Variants in LPP observed in about 807,000 individuals in gnomAD.
The protein encoded by LPP is lipoma-preferred partner.
A neutral mutation model predicts 60.4 loss-of-function variants in LPP; 38 were observed. The observed-to-expected ratio is 0.63, with a 90% CI of 0.49 to 0.83. LPP has a LOEUF of 0.83. LPP is among the 40% of genes least tolerant of loss of function. The pLI, the probability that LPP is intolerant of heterozygous loss-of-function variation, is 0.00. For synonymous variants in LPP, 328 were observed against 290.8 expected, an observed-to-expected ratio of 1.13 and a Z score of -1.30; for missense variants, 902 against 783.6, an observed-to-expected ratio of 1.15 and a Z score of -1.80.
chr3:188,753,930 G>A (rs372526270), intron 8 of LPP, among the ~76,000 whole-genome samples: 18 of 152,230 alleles, frequency 1.2e-4, no homozygotes, highest in East Asian at 9.7e-4. Flanking sequence ...AGAACTACAT[G>A]TGTCCTACAG....
At chr3:188,595,813 T>C (rs988884934) in intron 6 of LPP, among the ~76,000 whole-genome samples, 1 of 152,146 alleles carries the variant, frequency 6.6e-6, no homozygotes, top group African/African-American at 2.4e-5. Context: ...CCTTCACCTA[T>C]GGGATTATAT....
intron 5 of LPP, among the ~76,000 whole-genome samples, chr3:188,493,166 C>T (rs920478046): frequency 5.9e-5 from 9 of 152,064 alleles, no homozygotes; most frequent in African/African-American, 2.2e-4. Flanking sequence ...TTATTGCCTT[C>T]ATATTTGAGT....
intron 9 of LPP, among the ~76,000 whole-genome samples, chr3:188,856,850 A>G (rs1763952387): frequency 6.6e-6 from 1 of 152,226 alleles, no homozygotes; most frequent in South Asian, 2.1e-4. Context: ...CTGAGCTCTT[A>G]GCCAGAAGGC....
chr3:188,604,344 T>G (rs1222813545), intron 6 of LPP, among the ~76,000 whole-genome samples: 1 of 152,150 alleles, frequency 6.6e-6, no homozygotes, highest in Non-Finnish European at 1.5e-5. Flanking sequence ...ATACTATTTT[T>G]AAATGCATTC....
At chr3:188,485,292 G>A (rs1806022452) in intron 5 of LPP, among the ~76,000 whole-genome samples, 1 of 152,172 alleles carries the variant, frequency 6.6e-6, no homozygotes, top group Non-Finnish European at 1.5e-5. Context: ...GATCAGATGT[G>A]ACATTAGAAG....
chr3:188,242,271 A>G (rs2149478992), intron 2 of LPP, among the ~76,000 whole-genome samples: 1 of 152,248 alleles, frequency 6.6e-6, no homozygotes, highest in Non-Finnish European at 1.5e-5. Flanking sequence ...TCTAACTTAT[A>G]GGTAAAAGCC....
rs140393619 is a variant in LPP at position 188,623,868 on chromosome 3, C to T, written c.1113+14024C>T. On this transcript the variant is annotated intron_variant, in intron 7 of 11. Transcript: ENST00000617246. ...TGCCAGACAATCCTCCTAGTTGTTT[C>T]TCTAATACAGAGCTTCAGGTCGTCT... Among the ~76,000 whole-genome samples the T allele has an allele frequency of 3.5e-3, 530 of 152,294 alleles. 5 individuals carry two copies. The highest frequency in any genetic ancestry group is 0.014 in the Middle Eastern group (4 of 294).
intron 9 of LPP, among the ~76,000 whole-genome samples, chr3:188,775,766 T>G (rs1010227326): frequency 1.3e-5 from 2 of 152,188 alleles, no homozygotes; most frequent in African/African-American, 4.8e-5. Context: ...CCAATGTAAT[T>G]AAGAAGTGAC....
At chr3:188,596,416 T>C (rs71308926) in intron 6 of LPP, among the ~76,000 whole-genome samples, 1 of 152,158 alleles carries the variant, frequency 6.6e-6, no homozygotes, top group Non-Finnish European at 1.5e-5. Flanking sequence ...GCAAAAGTGC[T>C]CTCTCCTTGG....
intron 3 of LPP, among the ~76,000 whole-genome samples, chr3:188,398,023 G>A (rs1015135632): frequency 3.3e-5 from 5 of 152,128 alleles, no homozygotes; most frequent in African/African-American, 1.2e-4. Flanking sequence ...AGTTTTTCTT[G>A]TCACCTGCAG....
intron 7 of LPP, among the ~76,000 whole-genome samples, chr3:188,674,964 C>G (rs1162326419): frequency 6.6e-6 from 1 of 152,186 alleles, no homozygotes; most frequent in East Asian, 1.9e-4. Flanking sequence ...TATTGTGTTG[C>G]ATAAGTCCTT....
At chr3:188,302,991 G>A (rs1182750056) in intron 2 of LPP, among the ~76,000 whole-genome samples, 1 of 152,084 alleles carries the variant, frequency 6.6e-6, no homozygotes, top group African/African-American at 2.4e-5. Context: ...TGTCTTATAT[G>A]ATTTTATTCT....
intron 1 of LPP, among the ~76,000 whole-genome samples, chr3:188,167,285 G>A (rs899996255): frequency 4.6e-5 from 7 of 152,176 alleles, no homozygotes; most frequent in African/African-American, 1.7e-4. Context: ...GTCACCTGAG[G>A]TCAGGAGCTC....
chr3:188,636,542 G>A (rs1424601275), intron 7 of LPP, among the ~76,000 whole-genome samples: 1 of 152,134 alleles, frequency 6.6e-6, no homozygotes, highest in Non-Finnish European at 1.5e-5. Flanking sequence ...CTCGAACTGG[G>A]GGGAGCCCAC....
intron 6 of LPP, among the ~76,000 whole-genome samples, chr3:188,570,034 T>TC (rs1402182741): frequency 6.6e-6 from 1 of 151,810 alleles, no homozygotes; most frequent in Non-Finnish European, 1.5e-5. Context: ...TTTTTTTTTT[T>TC]TTGAGTAGTC....
chr3:188,171,860 G>A (rs2148811706), intron 1 of LPP, among the ~76,000 whole-genome samples: 1 of 152,288 alleles, frequency 6.6e-6, no homozygotes, highest in East Asian at 1.9e-4. Context: ...TGAAAAGACA[G>A]CCTGCATGTT....
At chr3:188,546,610 A>T in intron 6 of LPP, among the ~76,000 whole-genome samples, 1 of 152,180 alleles carries the variant, frequency 6.6e-6, no homozygotes, top group East Asian at 1.9e-4. Context: ...TAGGGAAGGC[A>T]GCTGAGTAAG....
At chr3:188,873,460 A>G (rs779583247) in intron 11 of LPP, among the ~76,000 whole-genome samples, 3 of 152,212 alleles carry the variant, frequency 2.0e-5, no homozygotes, top group Non-Finnish European at 4.4e-5. Context: ...TTATTTTCCA[A>G]AGAAACTTCT....
At chr3:188,188,370 G>A (rs1334221508) in intron 1 of LPP, among the ~76,000 whole-genome samples, 2 of 152,174 alleles carry the variant, frequency 1.3e-5, no homozygotes, top group African/African-American at 4.8e-5. Context: ...TTGCAAAGTT[G>A]GTACTGCCTA....
Sources: gnomAD v4.1 joint callset for allele counts (sites outside exome capture counted in the v4.1 genomes callset) on GRCh38, gnomAD v4.1.1 for gene constraint, MANE v1.5 for transcripts, NCBI Gene and HGNC (gene_info 2026-07-23, HGNC 2026-07-21) for gene names.